CPEB1: variants seen among roughly 807,000 people sequenced by gnomAD.
The protein encoded by CPEB1 is cytoplasmic polyadenylation element binding protein 1, also known as cytoplasmic polyadenylation element-binding protein 1.
In CPEB1, 7 loss-of-function variants were observed where a neutral mutation model predicts 65.8. The ratio of observed to expected loss-of-function variants is 0.11; its 90% confidence interval spans 0.06 to 0.20. The LOEUF (loss-of-function observed/expected upper bound fraction) is 0.20, where lower values mean the gene tolerates loss of function less well. CPEB1 is among the 10% of genes least tolerant of loss of function. The probability of loss-of-function intolerance (pLI) is 1.00; values close to 1 mark genes in which losing one functional copy is unlikely to be tolerated. For synonymous variants in CPEB1, 262 were observed against 260.0 expected, an observed-to-expected ratio of 1.01 and a Z score of -0.08; for missense variants, 551 against 712.2, an observed-to-expected ratio of 0.77 and a Z score of 2.58.
intron 2 of CPEB1, 59 bp downstream of exon 2, chr15:82,628,305 A>G: frequency 1.4e-6 from 1 of 702,304 alleles, no homozygotes; most frequent in Non-Finnish European, 2.6e-6. Context: ...TGACAAAAAA[A>G]GGTTGGGAGT....
At chr15:82,570,675 A>G (rs2039889572) in intron 4 of CPEB1, among the ~76,000 whole-genome samples, 1 of 151,998 alleles carries the variant, frequency 6.6e-6, no homozygotes, top group African/African-American at 2.4e-5. Context: ...AAGGGATCCT[A>G]AAGGGGAGTG....
At chr15:82,589,024 T>C (rs1335185913) in intron 3 of CPEB1, among the ~76,000 whole-genome samples, 2 of 152,226 alleles carry the variant, frequency 1.3e-5, no homozygotes, top group Non-Finnish European at 2.9e-5. Flanking sequence ...TTCCCCGCAA[T>C]CGTCTTGTTG....
chr15:82,605,967 G>A (rs2043548319), intron 3 of CPEB1, among the ~76,000 whole-genome samples: 1 of 152,134 alleles, frequency 6.6e-6, no homozygotes, highest in African/African-American at 2.4e-5. Context: ...GAACCCAGGA[G>A]GCAGAGGTTG....
chr15:82,574,722 CAAAAAAA>C (rs534968367), intron 3 of CPEB1, among the ~76,000 whole-genome samples: 1,047 of 53,414 alleles, frequency 0.02, 15 homozygotes, highest in African/African-American at 0.07. Context: ...GACTCGGTCT[CAAAAAAA>C]AAAAAAAAAA....
intron 1 of CPEB1, among the ~76,000 whole-genome samples, chr15:82,638,258 T>C (rs1294972698): frequency 1.3e-5 from 2 of 152,242 alleles, no homozygotes; most frequent in Admixed American, 1.3e-4. Flanking sequence ...CCATATGTAC[T>C]CTTCATATGC....
At chr15:82,636,035 C>A (rs2046631619) in intron 1 of CPEB1, among the ~76,000 whole-genome samples, 1 of 152,168 alleles carries the variant, frequency 6.6e-6, no homozygotes, top group Non-Finnish European at 1.5e-5. Context: ...ACAAGATCTC[C>A]TCTCCCTGCA....
intron 3 of CPEB1, among the ~76,000 whole-genome samples, chr15:82,572,706 A>G (rs2040207458): frequency 6.6e-6 from 1 of 152,138 alleles, no homozygotes; most frequent in African/African-American, 2.4e-5. Flanking sequence ...AGCTCTGTCA[A>G]TATTGCTTCT....
At chr15:82,573,022 A>G in intron 3 of CPEB1, 1 of 1,532,922 alleles carries the variant, frequency 6.5e-7, no homozygotes, top group Non-Finnish European at 8.7e-7. Flanking sequence ...ACCTGGACTC[A>G]GCTGGTAGCA....
intron 3 of CPEB1, among the ~76,000 whole-genome samples, chr15:82,610,997 GA>G (rs1156567760): frequency 8.5e-5 from 8 of 94,114 alleles, no homozygotes; most frequent in South Asian, 7.1e-4. Flanking sequence ...AAGAAAAAAA[GA>G]AAAAAAAATC....
chr15:82,568,936 T>C (rs1567187302), intron 4 of CPEB1, among the ~76,000 whole-genome samples: 1 of 152,228 alleles, frequency 6.6e-6, no homozygotes, highest in Non-Finnish European at 1.5e-5. Flanking sequence ...TCAGATGTGA[T>C]GCCATAGCTG....
rs2038810337 is a variant in CPEB1 at position 82,564,563 on chromosome 15, A to T, written c.461-6577T>A. On this transcript the variant is annotated intron_variant, in intron 4 of 12. Coordinates refer to ENST00000684509, the MANE Select transcript of CPEB1 (RefSeq NM_001365242.1). ...CCGCCTCAGCCTCCCAAAGGGCTGG[A>T]ATTACAGGCGTGAGCCACTGCGCCC... is the stretch of plus-strand genomic sequence containing the variant. 3.3e-5 allele frequency among the ~76,000 whole-genome samples: 5 copies of T among 152,116 alleles called. No homozygotes were observed. The South Asian group carries it at 1.0e-3, about 31-fold the overall frequency.
chr15:82,622,380 C>A (rs1006810801), intron 3 of CPEB1, among the ~76,000 whole-genome samples: 1 of 151,948 alleles, frequency 6.6e-6, no homozygotes, highest in Non-Finnish European at 1.5e-5. Context: ...ACGGGGAATT[C>A]AGATGCTCCA....
intron 3 of CPEB1, among the ~76,000 whole-genome samples, chr15:82,604,335 A>G (rs948521073): frequency 4.6e-5 from 7 of 152,138 alleles, no homozygotes; most frequent in African/African-American, 1.7e-4. Flanking sequence ...ACAAAAAATT[A>G]GCTGGGCATG....
intron 12 of CPEB1, among the ~76,000 whole-genome samples, chr15:82,545,983 C>G (rs1465638298): frequency 1.4e-5 from 2 of 142,130 alleles, no homozygotes; most frequent in Non-Finnish European, 3.0e-5. Flanking sequence ...CTTAAGAGTT[C>G]TGGATCAAGC....
At chr15:82,572,718 T>C (rs2040207995) in intron 3 of CPEB1, among the ~76,000 whole-genome samples, 1 of 152,212 alleles carries the variant, frequency 6.6e-6, no homozygotes, top group Non-Finnish European at 1.5e-5. Context: ...ATTGCTTCTC[T>C]TGCCCTTCCA....
intron 3 of CPEB1, among the ~76,000 whole-genome samples, chr15:82,626,677 A>G (rs1413055445): frequency 6.6e-6 from 1 of 151,662 alleles, no homozygotes; most frequent in African/African-American, 2.4e-5. Context: ...CTGTTAAAAC[A>G]TTCGAGAGCT....
chr15:82,580,235 C>T lies in CPEB1; in HGVS notation c.272-8703G>A, dbSNP rs558954858. On this transcript the variant is annotated intron_variant, in intron 3 of 12. Coordinates refer to ENST00000684509, the MANE Select transcript of CPEB1 (RefSeq NM_001365242.1). ...GCTCGAGAGGCTGAGGCAGAAGAATCGCTTGAAACTGGGAGGCGGAGGTTG... is the reference window on the plus strand; with the variant it reads ...GCTCGAGAGGCTGAGGCAGAAGAATTGCTTGAAACTGGGAGGCGGAGGTTG... Among the ~76,000 whole-genome samples the T allele has an allele frequency of 1.1e-4, 17 of 150,804 alleles. No individual in the cohort carries two copies. The South Asian group carries it at 3.3e-3, about 30-fold the overall frequency.
chr15:82,646,101 A>C (rs2047493553), intron 1 of CPEB1, among the ~76,000 whole-genome samples: 1 of 152,114 alleles, frequency 6.6e-6, no homozygotes. Flanking sequence ...CACCAACTTG[A>C]GGTTTCCAAG....
At chr15:82,572,819 G>A (rs1328775847) in intron 3 of CPEB1, among the ~76,000 whole-genome samples, 2 of 152,166 alleles carry the variant, frequency 1.3e-5, no homozygotes, top group Non-Finnish European at 2.9e-5. Flanking sequence ...CAAGACCAAT[G>A]CTTATTTCTG....
Sources: gnomAD v4.1 joint callset for allele counts (sites outside exome capture counted in the v4.1 genomes callset) on GRCh38, gnomAD v4.1.1 for gene constraint, MANE v1.5 for transcripts, NCBI Gene and HGNC (gene_info 2026-07-23, HGNC 2026-07-21) for gene names.